Variants in TRIM33 observed in about 807,000 individuals in gnomAD.
TRIM33 encodes the protein E3 ubiquitin-protein ligase TRIM33.
TRIM33 carries 20 observed loss-of-function variants against 125.4 expected under a neutral mutation model. The observed-to-expected ratio is 0.16, with a 90% CI of 0.11 to 0.23. TRIM33 has a LOEUF of 0.23. Among genes scored for constraint, TRIM33 ranks in the 10% least tolerant of loss-of-function variants. TRIM33 has a pLI of 1.00. For synonymous variants in TRIM33, 564 were observed against 513.9 expected (o/e 1.10, Z -1.32); for missense variants, 920 against 1,411.4 (o/e 0.65, Z 5.58).
chr1:114,429,271 T>G (rs1647788543), intron 6 of TRIM33, among the ~76,000 whole-genome samples: 1 of 151,026 alleles, frequency 6.6e-6, no homozygotes, highest in Non-Finnish European at 1.5e-5. Flanking sequence ...CACCGCAACC[T>G]CCACCTCCCG....
At chr1:114,449,240 C>G (rs1185938783) in intron 4 of TRIM33, among the ~76,000 whole-genome samples, 1 of 152,056 alleles carries the variant, frequency 6.6e-6, no homozygotes, top group Non-Finnish European at 1.5e-5. Flanking sequence ...AAAAAAGTCA[C>G]CAGTCACGAC....
At chr1:114,461,263 TA>T (rs1347889650) in intron 4 of TRIM33, among the ~76,000 whole-genome samples, 2 of 146,110 alleles carry the variant, frequency 1.4e-5, no homozygotes, top group African/African-American at 5.0e-5. Flanking sequence ...ATATTTTATA[TA>T]TATTATATAT....
chr1:114,424,695 G>C lies in TRIM33; in HGVS notation c.1756C>G (p.Gln586Glu). Residue 586 changes from glutamine to glutamate, a missense_variant, in exon 10 of 20, where the codon CAA (glutamine) becomes GAA (glutamate). Transcript: ENST00000358465. ...TGAGCCAGTCTCATCTGATGGGCTT[G>C]AAAAGCTCCACAGTTCATGTTGCCT... ...QRGNMNCGAF[Q>E]AHQMRLAQNA... 6.2e-7 allele frequency: 1 copy of C among 1,611,086 alleles called. No homozygotes were observed. The highest frequency in any genetic ancestry group is 2.2e-5 in the East Asian group (1 of 44,800).
rs1204488635 is a variant in TRIM33, at chr1:114,468,317, T to C, written c.527-3929A>G. The C allele has an allele frequency of 6.5e-5, 18 of 277,880 alleles. No homozygotes were observed. The East Asian group carries it at 1.6e-3, about 24-fold the overall frequency. 17.2% of individuals were successfully genotyped at this position (277,880 alleles called of 1,614,324 possible). A position where few individuals can be genotyped will look rare whatever the true frequency, so the allele number is the denominator to read the frequency against. On this transcript the variant is annotated intron_variant, in intron 1 of 19. Transcript: ENST00000358465. ...GCCTAGCCCATTCGAGCTGCAGCCA[T>C]GTCTGGGGATGAGATGATTTTTGAT...
At chr1:114,448,385 A>G (rs541911424) in intron 4 of TRIM33, among the ~76,000 whole-genome samples, 1 of 152,318 alleles carries the variant, frequency 6.6e-6, no homozygotes, top group Non-Finnish European at 1.5e-5. Context: ...AGGATGAAGT[A>G]TTTGACATTT....
chr1:114,493,102 TG>T (rs1367575250), intron 1 of TRIM33, among the ~76,000 whole-genome samples: 7 of 152,346 alleles, frequency 4.6e-5, no homozygotes, highest in African/African-American at 1.7e-4. Flanking sequence ...CTAGCAGGTG[TG>T]AAGTGGTATC....
intron 4 of TRIM33, among the ~76,000 whole-genome samples, chr1:114,454,549 G>A (rs1216859855): frequency 1.3e-5 from 2 of 151,898 alleles, no homozygotes; most frequent in East Asian, 3.9e-4. Flanking sequence ...AGCCAGATGT[G>A]GTGGCACATG....
chr1:114,505,172 G>C (rs1570687828), intron 1 of TRIM33, among the ~76,000 whole-genome samples: 1 of 152,164 alleles, frequency 6.6e-6, no homozygotes, highest in Non-Finnish European at 1.5e-5. Context: ...AATGAATTCA[G>C]GTAGTTTGAC....
intron 4 of TRIM33, among the ~76,000 whole-genome samples, chr1:114,457,081 C>T (rs972894900): frequency 2.6e-5 from 4 of 152,114 alleles, no homozygotes; most frequent in African/African-American, 7.2e-5. Context: ...ACACATATTC[C>T]ATATCTGGGA....
chr1:114,481,620 GAAAAA>G (rs894190568), intron 1 of TRIM33, among the ~76,000 whole-genome samples: 1 of 144,974 alleles, frequency 6.9e-6, no homozygotes, highest in Non-Finnish European at 1.5e-5. Flanking sequence ...CAAAAAAAAA[GAAAAA>G]AAACTATATA....
In TRIM33 at chr1:114,500,640, C is replaced by T. The variant is rs184065952; in HGVS notation, c.526+9911G>A. On this transcript the variant is annotated intron_variant, in intron 1 of 19. Transcript: ENST00000358465. ...AAAAAAAGGAGCAAAAGGTCAAGAT[C>T]AGTCGAGATAATCTTGAAGATGACC... 3.7e-3 allele frequency among the ~76,000 whole-genome samples: 555 copies of T among 148,372 alleles called. 3 individuals carry two copies. The highest frequency in any genetic ancestry group is 5.9e-3 in the Non-Finnish European group (396 of 67,388).
intron 1 of TRIM33, among the ~76,000 whole-genome samples, chr1:114,502,394 T>G (rs1652769839): frequency 6.6e-6 from 1 of 152,212 alleles, no homozygotes; most frequent in Non-Finnish European, 1.5e-5. Flanking sequence ...TTAGATGGGG[T>G]ATGACCATCA....
At chr1:114,401,651 CTA>C (rs1352382384) in intron 16 of TRIM33, among the ~76,000 whole-genome samples, 188 bp from the exon 17 acceptor site, 1 of 152,090 alleles carries the variant, frequency 6.6e-6, no homozygotes. Flanking sequence ...TGTTTTCAGA[CTA>C]TCTTTTGTTC....
chr1:114,450,575 T>G (rs1649251967), intron 4 of TRIM33, among the ~76,000 whole-genome samples: 1 of 152,128 alleles, frequency 6.6e-6, no homozygotes, highest in African/African-American at 2.4e-5. Context: ...GTATTTTTAG[T>G]AGAGATGGGG....
intron 9 of TRIM33, among the ~76,000 whole-genome samples, 146 bp downstream of exon 9, chr1:114,425,294 CACCATCATA>C (rs1647491649): frequency 6.6e-6 from 1 of 152,222 alleles, no homozygotes. Context: ...TCCCTTACAT[CACCATCATA>C]ACCATAGCAA....
intron 1 of TRIM33, among the ~76,000 whole-genome samples, chr1:114,480,907 A>C (rs1051240775): frequency 6.6e-6 from 1 of 152,202 alleles, no homozygotes; most frequent in African/African-American, 2.4e-5. Flanking sequence ...AGCTGTTGCC[A>C]TAAGACAGCT....
At position 114,504,485 on chromosome 1, in the gene TRIM33, T is replaced by C. The variant is rs77123730; in HGVS notation, c.526+6066A>G. ...GAGGTGATGGCAGTTTTATCCATCA[T>C]TGCTTTTGCACCATTAATATAAATG... On this transcript the variant is annotated intron_variant, in intron 1 of 19. Transcript: ENST00000358465. 3.7e-4 allele frequency among the ~76,000 whole-genome samples: 57 copies of C among 152,352 alleles called. 1 individual carries two copies. In the East Asian group the frequency reaches 0.011, roughly 29 times the overall value.
intron 1 of TRIM33, among the ~76,000 whole-genome samples, chr1:114,509,488 A>C (rs7538540): frequency 0.063 from 9,652 of 152,248 alleles, 323 homozygotes; most frequent in African/African-American, 0.086. Context: ...GAAAAATCCC[A>C]AAATATTCTG....
intron 4 of TRIM33, among the ~76,000 whole-genome samples, chr1:114,448,181 G>A (rs777536960): frequency 7.9e-5 from 12 of 152,300 alleles, no homozygotes; most frequent in Non-Finnish European, 1.6e-4. Context: ...ACATGAGAGG[G>A]GATGGAACTC....
Sources: allele counts gnomAD v4.1 joint callset (sites outside exome capture counted in the v4.1 genomes callset), GRCh38; gene constraint gnomAD v4.1.1; transcripts MANE v1.5; gene names NCBI Gene and HGNC (gene_info 2026-07-23, HGNC 2026-07-21).